PBX3: variants seen among roughly 807,000 people sequenced by gnomAD.
PBX3 encodes PBX homeobox 3, also known as pre-B-cell leukemia transcription factor 3.
A neutral mutation model predicts 48.5 loss-of-function variants in PBX3; 14 were observed. The observed-to-expected ratio is 0.29, with a 90% CI of 0.19 to 0.45. The LOEUF (loss-of-function observed/expected upper bound fraction) is 0.45, where lower values mean the gene tolerates loss of function less well. Among genes scored for constraint, PBX3 ranks in the 20% least tolerant of loss-of-function variants. The probability of loss-of-function intolerance (pLI) is 1.00; values close to 1 mark genes in which losing one functional copy is unlikely to be tolerated. For missense variants in PBX3, 386 were observed against 546.7 expected (o/e 0.71, Z 2.93); for synonymous variants, 210 against 200.3 (o/e 1.05, Z -0.41).
At chr9:125,910,151 G>A (rs994990962) in intron 2 of PBX3, among the ~76,000 whole-genome samples, 2 of 152,144 alleles carry the variant, frequency 1.3e-5, no homozygotes, top group Non-Finnish European at 2.9e-5. Context: ...CTAGTAAGCA[G>A]TTTCACAGCA....
Position 125,929,597 on chromosome 9 carries a change from A to C in PBX3, c.517-58A>C, listed in dbSNP as rs1841669034. The C allele has an allele frequency of 3.3e-6, 4 of 1,209,616 alleles. No individual in the cohort carries two copies. In the South Asian group the frequency reaches 5.5e-5, roughly 17 times the overall value. 74.9% of individuals were successfully genotyped at this position (1,209,616 alleles called of 1,614,324 possible). ...ATGAGGTGTAAATTCAGATGAGTGA[A>C]TGTCTTCGTGTGATAGTAGATAGTT... On this transcript the variant is annotated intron_variant, in intron 3 of 8. Transcript: ENST00000373489.
intron 2 of PBX3, among the ~76,000 whole-genome samples, chr9:125,803,246 C>T (rs775372017): frequency 2.0e-5 from 3 of 151,854 alleles, no homozygotes; most frequent in Admixed American, 1.3e-4. Context: ...GGCCACCATG[C>T]CTGGCTAATT....
At chr9:125,929,920 G>T in intron 4 of PBX3, 75 bp downstream of exon 4, 1 of 1,132,240 alleles carries the variant, frequency 8.8e-7, no homozygotes, top group South Asian at 1.4e-5. Context: ...CTGTAAAACT[G>T]ACCAGTTGGT....
chr9:125,960,945 A>C, intron 6 of PBX3, 96 bp downstream of exon 6: 1 of 158,370 alleles, frequency 6.3e-6, no homozygotes, highest in Non-Finnish European at 1.1e-5. Context: ...TACTGAGGAC[A>C]GAGTGGACTT....
At chr9:125,837,052 G>C (rs890674899) in intron 2 of PBX3, among the ~76,000 whole-genome samples, 1 of 152,078 alleles carries the variant, frequency 6.6e-6, no homozygotes, top group Non-Finnish European at 1.5e-5. Flanking sequence ...ATACATATTT[G>C]CATGTAAGAA....
intron 2 of PBX3, among the ~76,000 whole-genome samples, chr9:125,888,119 A>C (rs1367387903): frequency 1.3e-5 from 2 of 152,196 alleles, no homozygotes; most frequent in Admixed American, 1.3e-4. Flanking sequence ...ACGTAAAAGA[A>C]ATGTTACCTC....
chr9:125,786,583 A>G (rs971771311), intron 2 of PBX3, among the ~76,000 whole-genome samples: 3 of 152,232 alleles, frequency 2.0e-5, no homozygotes, highest in Admixed American at 2.0e-4. Context: ...ATAGAGTAGA[A>G]CAGGGATGAA....
At chr9:125,932,114 C>T (rs937921507) in intron 4 of PBX3, among the ~76,000 whole-genome samples, 1 of 152,166 alleles carries the variant, frequency 6.6e-6, no homozygotes, top group Non-Finnish European at 1.5e-5. Flanking sequence ...ACTTCCCTGG[C>T]TCCCACAACA....
At chr9:125,921,723 G>T (rs1490482776) in intron 3 of PBX3, among the ~76,000 whole-genome samples, 1 of 152,014 alleles carries the variant, frequency 6.6e-6, no homozygotes, top group Non-Finnish European at 1.5e-5. Flanking sequence ...AGAAAAATTT[G>T]TTGATTTAAT....
intron 2 of PBX3, among the ~76,000 whole-genome samples, chr9:125,757,775 A>G (rs1297455322): frequency 6.6e-6 from 1 of 152,150 alleles, no homozygotes; most frequent in Non-Finnish European, 1.5e-5. Context: ...GGGTTTATGG[A>G]GCTTTATGCA....
In PBX3 at chr9:125,959,079, C is replaced by T. The variant is rs538758030; in HGVS notation, c.844-1605C>T. Among the ~76,000 whole-genome samples the T allele has an allele frequency of 1.7e-4, 26 of 152,290 alleles. 1 individual carries two copies. Among genetic ancestry groups the T allele is most frequent in the Admixed American group, 1.6e-3 (24 of 15,302 alleles). ...ATTGGATTTGGGACTGGTGTCATGC[C>T]AGTATAACCACTCCCATCTACCACC... On this transcript the variant is annotated intron_variant, in intron 5 of 8. Coordinates refer to ENST00000373489, the MANE Select transcript of PBX3 (RefSeq NM_006195.6).
chr9:125,932,565 G>A (rs1054204437), intron 4 of PBX3, among the ~76,000 whole-genome samples: 13 of 152,142 alleles, frequency 8.5e-5, no homozygotes, highest in Admixed American at 3.3e-4. Flanking sequence ...CTTTGTAACA[G>A]CTCAAATCAG....
intron 2 of PBX3, among the ~76,000 whole-genome samples, chr9:125,752,642 T>G (rs1453521461): frequency 3.9e-5 from 6 of 152,186 alleles, no homozygotes; most frequent in African/African-American, 1.4e-4. Flanking sequence ...TTGGTGTGCT[T>G]CTCTTTTTAA....
chr9:125,888,085 A>G (rs1292179037), intron 2 of PBX3, among the ~76,000 whole-genome samples: 2 of 152,198 alleles, frequency 1.3e-5, no homozygotes, highest in Non-Finnish European at 2.9e-5. Flanking sequence ...GAACTGAAGC[A>G]TGGTGAGGAA....
chr9:125,924,941 C>T (rs1272774498), intron 3 of PBX3, among the ~76,000 whole-genome samples: 1 of 152,160 alleles, frequency 6.6e-6, no homozygotes, highest in African/African-American at 2.4e-5. Context: ...TATTTGTTTT[C>T]AAGTAAAAAT....
intron 2 of PBX3, among the ~76,000 whole-genome samples, chr9:125,829,389 G>A (rs1588192724): frequency 1.3e-5 from 2 of 152,156 alleles, no homozygotes; most frequent in East Asian, 3.9e-4. Context: ...CACGTTTCTG[G>A]ACAGCAAGAG....
At position 125,915,676 on chromosome 9, in the gene PBX3, T is replaced by C. The variant is rs372779717; in HGVS notation, c.275-10T>C. 3.1e-6 allele frequency: 5 copies of C among 1,595,572 alleles called. No homozygotes were observed. Among genetic ancestry groups the C allele is most frequent in the Non-Finnish European group, 4.3e-6 (5 of 1,168,310 alleles). On this transcript the variant is annotated splice_polypyrimidine_tract_variant and intron_variant, in intron 2 of 8. Transcript: ENST00000373489. ...CTTCTCTCTCTGTCTCTCTCTCTCT[T>C]TCCTTGAAGGTCTCAGCATCAGAGG...
intron 4 of PBX3, among the ~76,000 whole-genome samples, chr9:125,930,569 T>C (rs1841691307): frequency 6.6e-6 from 1 of 152,248 alleles, no homozygotes; most frequent in Admixed American, 6.5e-5. Flanking sequence ...TTGTTTTTCT[T>C]TCTTCTCCCA....
At chr9:125,885,930 T>A (rs1171379298) in intron 2 of PBX3, among the ~76,000 whole-genome samples, 1 of 152,158 alleles carries the variant, frequency 6.6e-6, no homozygotes, top group East Asian at 1.9e-4. Flanking sequence ...TTGGCCCATG[T>A]AAATGTTTAC....
Sources: allele counts gnomAD v4.1 joint callset (sites outside exome capture counted in the v4.1 genomes callset), GRCh38; gene constraint gnomAD v4.1.1; transcripts MANE v1.5; gene names NCBI Gene and HGNC (gene_info 2026-07-23, HGNC 2026-07-21).